Variants in KIAA0513 observed in about 807,000 individuals in gnomAD.
KIAA0513 encodes the protein KIAA0513.
Under a neutral mutation model 56.5 loss-of-function variants are expected in KIAA0513, and 39 were observed. The observed-to-expected ratio is 0.69, with a 90% CI of 0.53 to 0.90. KIAA0513 has a LOEUF of 0.90. Among genes scored for constraint, KIAA0513 ranks in the 40% least tolerant of loss-of-function variants. The pLI is 0.00. For missense variants in KIAA0513, 591 were observed against 535.2 expected (o/e 1.10, Z -1.03); for synonymous variants, 268 against 215.6 (o/e 1.24, Z -2.13).
At chr16:85,070,186 A>G (rs2073552158) in intron 2 of KIAA0513, among the ~76,000 whole-genome samples, 1 of 127,000 alleles carries the variant, frequency 7.9e-6, no homozygotes, top group African/African-American at 2.7e-5. Context: ...AAAAAAAAGA[A>G]AAAAGAAAGA....
intron 6 of KIAA0513, 126 bp from the exon 7 acceptor site, chr16:85,078,289 A>G (rs1418601279): frequency 1.1e-6 from 1 of 935,836 alleles, no homozygotes; most frequent in African/African-American, 1.7e-5. Context: ...GATTTCATAA[A>G]AGGCTTTTCA....
intron 1 of KIAA0513, among the ~76,000 whole-genome samples, chr16:85,061,937 G>T (rs2073411276): frequency 6.6e-6 from 1 of 152,128 alleles, no homozygotes; most frequent in Admixed American, 6.5e-5. Flanking sequence ...CCCGGTTCTT[G>T]AACTTTCTAA....
intron 5 of KIAA0513, 139 bp from the exon 6 acceptor site, chr16:85,077,286 C>A: frequency 1.3e-6 from 1 of 752,676 alleles, no homozygotes; most frequent in Non-Finnish European, 2.1e-6. Context: ...GCCTGCACCA[C>A]CCCCTGTCCT....
At chr16:85,071,381 A>G (rs1421339546) in intron 2 of KIAA0513, among the ~76,000 whole-genome samples, 2 of 152,258 alleles carry the variant, frequency 1.3e-5, no homozygotes, top group Non-Finnish European at 2.9e-5. Flanking sequence ...GGCTGGTTCC[A>G]TGCTGACTTC....
chr16:85,045,001 C>T (rs2073152269), intron 1 of KIAA0513, among the ~76,000 whole-genome samples: 1 of 151,990 alleles, frequency 6.6e-6, no homozygotes, highest in South Asian at 2.1e-4. Context: ...ACCTGTAGTC[C>T]CAGCTACTTG....
chr16:85,029,034 C>T (rs980434286), intron 1 of KIAA0513, among the ~76,000 whole-genome samples: 1 of 152,202 alleles, frequency 6.6e-6, no homozygotes, highest in African/African-American at 2.4e-5. Flanking sequence ...TGCATGTGAG[C>T]GTTCCTTCCT....
intron 4 of KIAA0513, among the ~76,000 whole-genome samples, chr16:85,074,489 CTT>C (rs2073628234): frequency 6.6e-6 from 1 of 152,160 alleles, no homozygotes; most frequent in African/African-American, 2.4e-5. Context: ...AGCCTGCTCT[CTT>C]GAGTCCCAGT....
intron 1 of KIAA0513, among the ~76,000 whole-genome samples, chr16:85,061,379 G>A (rs971485515): frequency 2.0e-5 from 3 of 152,166 alleles, no homozygotes; most frequent in South Asian, 2.1e-4. Flanking sequence ...TGGTTCTCCA[G>A]CTGACCTGTG....
At chr16:85,048,661 C>T (rs7197852) in intron 1 of KIAA0513, among the ~76,000 whole-genome samples, 86,409 of 152,052 alleles carry the variant, frequency 0.57, 27,177 homozygotes, top group African/African-American at 0.85. Flanking sequence ...GGAGAGTTGC[C>T]TGAGCCCTGG....
At chr16:85,061,826 G>T (rs558572450) in intron 1 of KIAA0513, among the ~76,000 whole-genome samples, 2 of 152,282 alleles carry the variant, frequency 1.3e-5, no homozygotes, top group African/African-American at 4.8e-5. Flanking sequence ...GGGAAGTGGG[G>T]CGGAAGGGGT....
At chr16:85,061,493 G>A (rs947159793) in intron 1 of KIAA0513, among the ~76,000 whole-genome samples, 1 of 152,210 alleles carries the variant, frequency 6.6e-6, no homozygotes, top group Non-Finnish European at 1.5e-5. Flanking sequence ...ATGTGTGTGT[G>A]TTGTGTGTTG....
intron 10 of KIAA0513, among the ~76,000 whole-genome samples, chr16:85,085,774 C>G (rs1369538195): frequency 1.3e-4 from 20 of 152,214 alleles, no homozygotes; most frequent in Admixed American, 1.3e-3. Flanking sequence ...CAGGTGAACG[C>G]TCAGAACACC....
chr16:85,078,570 C>G, intron 7 of KIAA0513, 115 bp downstream of exon 7: 2 of 990,878 alleles, frequency 2.0e-6, no homozygotes, highest in Non-Finnish European at 1.5e-6. Flanking sequence ...GGGCACCTTG[C>G]CCTGGGTGAT....
chr16:85,079,033 C>T lies in KIAA0513; in HGVS notation c.902+30C>T, dbSNP rs376989218. The T allele has an allele frequency of 4.0e-5, 65 of 1,613,940 alleles. No homozygotes were observed. In the East Asian group the frequency reaches 5.6e-4, roughly 14 times the overall value. On this transcript the variant is annotated intron_variant, in intron 8 of 12. Coordinates refer to ENST00000683363, the MANE Select transcript of KIAA0513 (RefSeq NM_001388359.1). ...GGCCGAGCCCGCGGCTTCCCGTCAC[C>T]CTCTTACTGACGGGGCCAGCAGTCA...
chr16:85,066,829 G>A, intron 1 of KIAA0513, 71 bp from the exon 2 acceptor site: 2 of 437,402 alleles, frequency 4.6e-6, no homozygotes, highest in East Asian at 3.6e-5. Flanking sequence ...CTCTTTCTGG[G>A]GAGTCTGTGA....
In KIAA0513 at chr16:85,090,176, C is replaced by G. The variant is rs1362512019; in HGVS notation, c.*1851C>G. 1 of 152,022 alleles carries G rather than the reference C, an allele frequency of 6.6e-6. No individual in the cohort carries two copies. Among genetic ancestry groups the G allele is most frequent in the Non-Finnish European group, 1.5e-5 (1 of 68,014 alleles). 9.4% of individuals were successfully genotyped at this position (152,022 alleles called of 1,614,324 possible). Reference sequence around the variant, plus strand: ...GAGGGTTGTGTGGACACCCCTCGCTCTGATGCCAACTGCAGATAATACACA... The same window carrying G: ...GAGGGTTGTGTGGACACCCCTCGCTGTGATGCCAACTGCAGATAATACACA... On this transcript the variant is annotated 3_prime_UTR_variant, in exon 13 of 13. Transcript: ENST00000683363.
At position 85,076,987 on chromosome 16, in the gene KIAA0513, T is replaced by C. The variant is rs1434990649; in HGVS notation, c.575-438T>C. Among the ~76,000 whole-genome samples, 1 of 152,108 alleles carries C rather than the reference T, an allele frequency of 6.6e-6. No individual in the cohort carries two copies. Among genetic ancestry groups the C allele is most frequent in the Non-Finnish European group, 1.5e-5 (1 of 68,002 alleles). On this transcript the variant is annotated intron_variant, in intron 5 of 12. Transcript: ENST00000683363. This position sits in a 1 kb window ranked among gnomAD's most constrained non-coding sequence, Gnocchi z 4.7. The stretch of plus-strand genomic sequence containing the variant: ...CAGGGCCTCATGTCCATCCACTGGC[T>C]AAGGGAGTTTGGGTGCTGCCCAGAC...
chr16:85,031,209 G>T (rs2072959859), intron 1 of KIAA0513, among the ~76,000 whole-genome samples: 1 of 152,120 alleles, frequency 6.6e-6, no homozygotes, highest in African/African-American at 2.4e-5. Context: ...GGCTGGGTGT[G>T]GTGGCTACGC....
chr16:85,086,582 G>A (rs991098452), intron 10 of KIAA0513, 62 bp from the exon 11 acceptor site: 75 of 1,513,428 alleles, frequency 5.0e-5, no homozygotes, highest in Non-Finnish European at 5.9e-5. Flanking sequence ...AGAACAGGGC[G>A]AGGAGCTGGG....
Sources: allele counts gnomAD v4.1 joint callset (sites outside exome capture counted in the v4.1 genomes callset), GRCh38; gene constraint gnomAD v4.1.1; non-coding constraint Gnocchi (gnomAD v3.1); transcripts MANE v1.5; gene names NCBI Gene and HGNC (gene_info 2026-07-23, HGNC 2026-07-21).